Variants in ASIC2 observed in about 807,000 individuals in gnomAD.
The protein encoded by ASIC2 is acid-sensing ion channel 2.
A neutral mutation model predicts 57.3 loss-of-function variants in ASIC2; 25 were observed. That is an observed-to-expected ratio of 0.44 (90% CI 0.32 to 0.61). The LOEUF (loss-of-function observed/expected upper bound fraction) is 0.61. Among genes scored for constraint, ASIC2 ranks in the 20% least tolerant of loss-of-function variants. ASIC2 has a pLI of 0.06. For synonymous variants in ASIC2, 319 were observed against 307.5 expected (o/e 1.04, Z -0.39); for missense variants, 641 against 738.1 (o/e 0.87, Z 1.52).
At chr17:33,711,424 C>T (rs1333443173) in intron 1 of ASIC2, among the ~76,000 whole-genome samples, 1 of 152,194 alleles carries the variant, frequency 6.6e-6, no homozygotes, top group Admixed American at 6.5e-5. Context: ...CCTCATCCTC[C>T]TCCATATGCG....
intron 1 of ASIC2, among the ~76,000 whole-genome samples, chr17:33,487,173 A>T (rs893007278): frequency 6.6e-6 from 1 of 152,220 alleles, no homozygotes; most frequent in African/African-American, 2.4e-5. Context: ...AAGAATTTTT[A>T]AAAACTAAGT....
chr17:33,896,390 G>C (rs1334621165), intron 1 of ASIC2, among the ~76,000 whole-genome samples: 1 of 152,170 alleles, frequency 6.6e-6, no homozygotes, highest in Non-Finnish European at 1.5e-5. Context: ...TTTTTGGGGG[G>C]AATCTTCCCT....
chr17:33,405,614 G>C (rs112202395), intron 1 of ASIC2, among the ~76,000 whole-genome samples: 2,301 of 151,748 alleles, frequency 0.015, 65 homozygotes, highest in African/African-American at 0.052. Flanking sequence ...CTCCTGAGTA[G>C]CTGGGATTAC....
intron 1 of ASIC2, among the ~76,000 whole-genome samples, chr17:33,927,701 G>T (rs541608745): frequency 6.6e-5 from 10 of 152,178 alleles, no homozygotes; most frequent in Admixed American, 2.6e-4. Flanking sequence ...GCAAATTGAG[G>T]CTCAGGGAGG....
At chr17:33,480,464 G>A (rs1913367259) in intron 1 of ASIC2, among the ~76,000 whole-genome samples, 1 of 152,172 alleles carries the variant, frequency 6.6e-6, no homozygotes, top group Non-Finnish European at 1.5e-5. Context: ...GCAGTCTGGA[G>A]AAAGGAGCCT....
intron 1 of ASIC2, among the ~76,000 whole-genome samples, chr17:33,644,385 G>A (rs1274708229): frequency 1.3e-5 from 2 of 152,062 alleles, no homozygotes; most frequent in Non-Finnish European, 2.9e-5. Context: ...TCTTTTATCA[G>A]TGTTCTCTGT....
At position 34,048,933 on chromosome 17, in the gene ASIC2, C is replaced by T. The variant is rs535631804; in HGVS notation, c.555+107045G>A. 1.2e-4 allele frequency among the ~76,000 whole-genome samples: 18 copies of T among 152,188 alleles called. No homozygotes were observed. In the East Asian group the frequency reaches 3.1e-3, roughly 26 times the overall value. ...TAATAATTCCAGAGAACAGACTGTG[C>T]GGTAATAATCGTCCCTCCTGATGGG... On this transcript the variant is annotated intron_variant, in intron 1 of 9. Transcript: ENST00000359872.
At chr17:33,024,116 G>T in intron 5 of ASIC2, 102 bp from the exon 6 acceptor site, 1 of 1,488,938 alleles carries the variant, frequency 6.7e-7, no homozygotes, top group South Asian at 1.2e-5. Context: ...AGCTGGGAAG[G>T]GGCACTGGTC....
rs1356231875 is a variant in ASIC2 at position 34,006,758 on chromosome 17, C to A, written c.555+149220G>T. 7 of 151,960 alleles carry A rather than the reference C, an allele frequency of 4.6e-5. No individual in the cohort carries two copies. The East Asian group carries it at 7.7e-4, about 17-fold the overall frequency. 9.4% of individuals were successfully genotyped at this position (151,960 alleles called of 1,614,324 possible). A position where few individuals can be genotyped will look rare whatever the true frequency, so the allele number is the denominator to read the frequency against. ...ACCCGAAATATCAAAAGGGGCTGAC[C>A]CATGGAGAGGGCAGATTTACACTCC... On this transcript the variant is annotated intron_variant, in intron 1 of 9. Coordinates refer to the ASIC2 transcript ENST00000359872.
chr17:33,860,927 A>G (rs997433720), intron 1 of ASIC2, among the ~76,000 whole-genome samples: 4 of 152,250 alleles, frequency 2.6e-5, no homozygotes, highest in Non-Finnish European at 5.9e-5. Context: ...CTCTGTCTTT[A>G]GCAGCCTTGG....
chr17:33,516,722 G>A (rs1914583182), intron 1 of ASIC2, among the ~76,000 whole-genome samples: 1 of 152,158 alleles, frequency 6.6e-6, no homozygotes, highest in Admixed American at 6.5e-5. Context: ...TTGTCTCCTT[G>A]GAGGTGCCTG....
chr17:33,903,630 T>G (rs1915277508), intron 1 of ASIC2, among the ~76,000 whole-genome samples: 1 of 152,260 alleles, frequency 6.6e-6, no homozygotes, highest in African/African-American at 2.4e-5. Context: ...ATTAAAATTC[T>G]GTGCAACAGT....
intron 1 of ASIC2, among the ~76,000 whole-genome samples, chr17:33,898,491 C>T (rs1357058337): frequency 1.3e-5 from 2 of 152,046 alleles, no homozygotes; most frequent in Non-Finnish European, 2.9e-5. Flanking sequence ...CTGCCTCAGC[C>T]TCCCAAAGTG....
At chr17:33,062,363 C>T (rs991076243) in intron 3 of ASIC2, among the ~76,000 whole-genome samples, 6 of 152,170 alleles carry the variant, frequency 3.9e-5, no homozygotes, top group African/African-American at 1.4e-4. Flanking sequence ...TATGTTGTGT[C>T]TTTGTTCTTG....
intron 1 of ASIC2, among the ~76,000 whole-genome samples, chr17:33,897,210 T>A (rs899607238): frequency 1.3e-4 from 20 of 152,336 alleles, no homozygotes; most frequent in Middle Eastern, 6.8e-3. Flanking sequence ...GTATTGTGTG[T>A]CAAAATGAGA....
intron 1 of ASIC2, among the ~76,000 whole-genome samples, chr17:33,836,259 G>GCA (rs1379391115): frequency 6.6e-6 from 1 of 151,330 alleles, no homozygotes; most frequent in Admixed American, 6.6e-5. Context: ...TTACAGGCAT[G>GCA]TGCCACCACA....
chr17:33,529,279 A>G (rs982801747), intron 1 of ASIC2, among the ~76,000 whole-genome samples: 5 of 152,206 alleles, frequency 3.3e-5, no homozygotes, highest in South Asian at 2.1e-4. Context: ...CTCCAGTCCA[A>G]TCAGAATCTC....
At chr17:33,699,716 G>A (rs1311075679) in intron 1 of ASIC2, among the ~76,000 whole-genome samples, 1 of 152,120 alleles carries the variant, frequency 6.6e-6, no homozygotes, top group Non-Finnish European at 1.5e-5. Context: ...GTAAAGAAGG[G>A]GGTTGTTGGT....
intron 1 of ASIC2, among the ~76,000 whole-genome samples, chr17:33,490,585 CG>C (rs1200888092): frequency 1.3e-5 from 2 of 152,168 alleles, no homozygotes; most frequent in Non-Finnish European, 2.9e-5. Flanking sequence ...TTTTATAAAG[CG>C]GGGTCTCCTG....
Sources: gnomAD v4.1 joint callset for allele counts (sites outside exome capture counted in the v4.1 genomes callset) on GRCh38, gnomAD v4.1.1 for gene constraint, MANE v1.5 for transcripts, NCBI Gene and HGNC (gene_info 2026-07-23, HGNC 2026-07-21) for gene names.